Variants in SLC37A1 observed in about 807,000 individuals in gnomAD.
SLC37A1 encodes glucose-6-phosphate exchanger SLC37A1.
SLC37A1 carries 49 observed loss-of-function variants against 75.3 expected under a neutral mutation model. The observed-to-expected ratio is 0.65, with a 90% CI of 0.52 to 0.83. The LOEUF (loss-of-function observed/expected upper bound fraction) is 0.83, where lower values mean the gene tolerates loss of function less well. SLC37A1 is among the 40% of genes least tolerant of loss of function. The probability of loss-of-function intolerance (pLI) is 0.00; values close to 1 mark genes in which losing one functional copy is unlikely to be tolerated. For missense variants in SLC37A1, 566 were observed against 695.0 expected (o/e 0.81, Z 2.09); for synonymous variants, 268 against 292.1 (o/e 0.92, Z 0.84).
chr21:42,572,695 T>TAAAA (rs1421400961), intron 17 of SLC37A1, among the ~76,000 whole-genome samples: 20 of 132,270 alleles, frequency 1.5e-4, no homozygotes, highest in Non-Finnish European at 2.6e-4. Flanking sequence ...AAAAAAAGAG[T>TAAAA]GTGTCCTGAG....
Position 42,525,778 on chromosome 21 carries a change from A to G in SLC37A1, c.59A>G (p.Tyr20Cys). 1.9e-6 allele frequency: 3 copies of G among 1,612,916 alleles called. No individual in the cohort carries two copies. The highest frequency in any genetic ancestry group is 1.1e-5 in the South Asian group (1 of 91,036). Residue 20 changes from tyrosine (Y) to cysteine (C), a missense_variant and splice_region_variant, in exon 3 of 20, where the codon TAC (tyrosine) becomes TGC (cysteine). Physicochemically the swap from Tyr to Cys is radical, Grantham distance 194. Coordinates refer to ENST00000352133, the MANE Select transcript of SLC37A1 (RefSeq NM_001320537.2). Reference sequence around the variant, plus strand: ...TCTCCCACTGTTTTGTGTTTCAGGTACAGAGCCTTCATTTTTATTTTGACA... The same window carrying G: ...TCTCCCACTGTTTTGTGTTTCAGGTGCAGAGCCTTCATTTTTATTTTGACA... ...FIISFSRDQW[Y>C]RAFIFILTFL...
chr21:42,542,301 G>T, intron 6 of SLC37A1, 103 bp from the exon 7 acceptor site: 2 of 844,648 alleles, frequency 2.4e-6, no homozygotes, highest in African/African-American at 1.7e-5. Context: ...TGGCTGTCGT[G>T]CCCCCTGCTT....
At chr21:42,506,560 A>G (rs1354786955) in intron 2 of SLC37A1, among the ~76,000 whole-genome samples, 2 of 152,220 alleles carry the variant, frequency 1.3e-5, no homozygotes, top group Non-Finnish European at 2.9e-5. Flanking sequence ...GATTCTATAC[A>G]TGATAAGGAT....
intron 10 of SLC37A1, among the ~76,000 whole-genome samples, chr21:42,558,486 G>T (rs918677423): frequency 3.3e-5 from 5 of 152,056 alleles, no homozygotes; most frequent in African/African-American, 9.7e-5. Flanking sequence ...TCCTATAGTT[G>T]CCTAGTTACA....
chr21:42,543,431 T>C lies in SLC37A1; in HGVS notation c.564-5T>C, dbSNP rs1331088984. The C allele has an allele frequency of 6.2e-7, 1 of 1,614,104 alleles. No individual in the cohort carries two copies. The highest frequency in any genetic ancestry group is 8.5e-7 in the Non-Finnish European group (1 of 1,180,044). On this transcript the variant is annotated splice_region_variant and splice_polypyrimidine_tract_variant and intron_variant, in intron 7 of 19. Coordinates refer to ENST00000352133, the MANE Select transcript of SLC37A1 (RefSeq NM_001320537.2). ...TCTTCTGTCTTCTGTTTTGTTGTGC[T>C]GCAGGAGAGGTTTGATTATGGGGGT...
At chr21:42,569,105 G>A (rs1424029415) in intron 17 of SLC37A1, among the ~76,000 whole-genome samples, 3 of 152,228 alleles carry the variant, frequency 2.0e-5, no homozygotes, top group African/African-American at 7.2e-5. Flanking sequence ...GGGCTGCCTG[G>A]TGTGGCTGTC....
At chr21:42,530,373 A>T (rs539311560) in intron 3 of SLC37A1, among the ~76,000 whole-genome samples, 15 of 152,072 alleles carry the variant, frequency 9.9e-5, no homozygotes, top group Non-Finnish European at 2.2e-4. Flanking sequence ...TCATCGCAGG[A>T]GGCTGGCCGT....
In SLC37A1 at chr21:42,550,020, C is replaced by A. The variant is rs548732561; in HGVS notation, c.768+2880C>A. ...ACCTCCTGCTGATGTATTTTGCAAG[C>A]AAATAGCAATCATCTTAATATTTTG... On this transcript the variant is annotated intron_variant, in intron 9 of 19. Coordinates refer to ENST00000352133, the MANE Select transcript of SLC37A1 (RefSeq NM_001320537.2). Among the ~76,000 whole-genome samples, 8 of 152,290 alleles carry A rather than the reference C, an allele frequency of 5.3e-5. No homozygotes were observed. The East Asian group carries it at 7.7e-4, about 15-fold the overall frequency.
rs772289860 is a variant in SLC37A1 at position 42,579,800 on chromosome 21, C to T, written c.1586C>T (p.Pro529Leu). Reference sequence around the variant, plus strand: ...GGGTCAGCTACGGGGGACCAAGTTCCGTAAGTCCCACTCGGGCCCTGTCTC... The same window carrying T: ...GGGTCAGCTACGGGGGACCAAGTTCTGTAAGTCCCACTCGGGCCCTGTCTC... The part of the protein sequence containing the change: ...CPGSATGDQV[P>L]FKEQ The change falls in exon 19 of 20, where the codon CCA becomes CTA. Residue 529 changes from proline to leucine, a missense_variant and splice_region_variant. Pro to Leu is a moderately conservative substitution (Grantham distance 98). Transcript: ENST00000352133. 2.3e-5 allele frequency: 37 copies of T among 1,614,078 alleles called. No individual in the cohort carries two copies. In the South Asian group the frequency reaches 2.5e-4, roughly 11 times the overall value.
In SLC37A1 at chr21:42,534,695, C is replaced by T. The variant is rs1481774089; in HGVS notation, c.139-3C>T. The T allele has an allele frequency of 8.1e-6, 13 of 1,609,258 alleles. No individual in the cohort carries two copies. The highest frequency in any genetic ancestry group is 1.0e-5 in the Non-Finnish European group (12 of 1,176,846). ...CTGCTTCTGCCCTCCCATCACGTCC[C>T]AGGGTGAGCTCCACAAGTACTGCAC... On this transcript the variant is annotated splice_polypyrimidine_tract_variant and splice_region_variant and intron_variant, in intron 3 of 19. Coordinates refer to ENST00000352133, the MANE Select transcript of SLC37A1 (RefSeq NM_001320537.2).
At chr21:42,546,374 C>G (rs562373244) in intron 8 of SLC37A1, among the ~76,000 whole-genome samples, 36 of 152,320 alleles carry the variant, frequency 2.4e-4, no homozygotes, top group Non-Finnish European at 3.4e-4. Context: ...TATCTCCACT[C>G]ATTTTTATTT....
At chr21:42,506,383 T>A (rs1255847331) in intron 2 of SLC37A1, among the ~76,000 whole-genome samples, 3 of 152,220 alleles carry the variant, frequency 2.0e-5, no homozygotes. Context: ...TCTCCTTCCT[T>A]CAGCTCCTGA....
At chr21:42,513,414 C>T (rs1032151797), upstream of SLC37A1, among the ~76,000 whole-genome samples, 2 of 152,228 alleles carry the variant, frequency 1.3e-5, no homozygotes, top group Non-Finnish European at 1.5e-5. Flanking sequence ...TGATTGTGCC[C>T]CTTGACATGA....
rs562544107 is a variant in SLC37A1 at position 42,563,160 on chromosome 21, G to A, written c.1073-655G>A. ...TGCCTTGTGACCCCCGCCTCACTTTGGCCAGTGAGCTGCACACAGCTGGGC... is the reference window on the plus strand; with the variant it reads ...TGCCTTGTGACCCCCGCCTCACTTTAGCCAGTGAGCTGCACACAGCTGGGC... On this transcript the variant is annotated intron_variant, in intron 12 of 19. Transcript: ENST00000352133. Among the ~76,000 whole-genome samples, 14 of 152,238 alleles carry A rather than the reference G, an allele frequency of 9.2e-5. No homozygotes were observed. The South Asian group carries it at 2.7e-3, about 29-fold the overall frequency.
intron 3 of SLC37A1, among the ~76,000 whole-genome samples, chr21:42,526,848 GAGA>G (rs2054808722): frequency 6.6e-6 from 1 of 152,086 alleles, no homozygotes; most frequent in East Asian, 1.9e-4. Context: ...GTTTTTAAGA[GAGA>G]AGAATATGAA....
At chr21:42,529,481 G>T (rs1255694860) in intron 3 of SLC37A1, among the ~76,000 whole-genome samples, 1 of 152,008 alleles carries the variant, frequency 6.6e-6, no homozygotes, top group African/African-American at 2.4e-5. Context: ...TTGAACCTGG[G>T]AGGCGAATGT....
In SLC37A1 at chr21:42,574,797, T is replaced by C. The variant is rs2056270441; in HGVS notation, c.1424-21T>C. ...GATTTTCTCTAAACAGCACCATGTG[T>C]GTCCATTTGCCTGATTTCAGGAGCA... On this transcript the variant is annotated intron_variant, in intron 17 of 19. Transcript: ENST00000352133. 2.5e-6 allele frequency: 4 copies of C among 1,613,486 alleles called. No homozygotes were observed. The East Asian group carries it at 8.9e-5, about 36-fold the overall frequency.
At chr21:42,529,161 A>G (rs1204011230) in intron 3 of SLC37A1, among the ~76,000 whole-genome samples, 1 of 152,236 alleles carries the variant, frequency 6.6e-6, no homozygotes, top group Admixed American at 6.5e-5. Context: ...AAAAGTCAGT[A>G]GAATAGATTA....
rs759182256 is a variant in SLC37A1 at position 42,567,053 on chromosome 21, G to A, written c.1339G>A (p.Asp447Asn). The A allele has an allele frequency of 5.0e-6, 8 of 1,609,152 alleles. No individual in the cohort carries two copies. The Admixed American group carries it at 6.7e-5, about 13-fold the overall frequency. Reference sequence around the variant, plus strand: ...ACTCATCACCACCGCCGTCTCCGCCGACCTGGTGAGTAGAACCGGGAGAGA... The same window carrying A: ...ACTCATCACCACCGCCGTCTCCGCCAACCTGGTGAGTAGAACCGGGAGAGA... The part of the protein sequence containing the change: ...YTLITTAVSA[D>N]LGTHKSLKGN... The change falls in exon 16 of 20, where the codon GAC becomes AAC. Residue 447 changes from aspartate to asparagine, a missense_variant. Physicochemically the swap from Asp to Asn is conservative, Grantham distance 23 (BLOSUM62 1). Transcript: ENST00000352133.
Sources: allele counts gnomAD v4.1 joint callset (sites outside exome capture counted in the v4.1 genomes callset), GRCh38; gene constraint gnomAD v4.1.1; transcripts MANE v1.5; gene names NCBI Gene and HGNC (gene_info 2026-07-23, HGNC 2026-07-21).